The following ACTR3C variants were observed in gnomAD, a reference collection of about 807,000 sequenced individuals.
ACTR3C encodes the protein actin related protein 3C.
ACTR3C carries 18 observed loss-of-function variants against 26.3 expected under a neutral mutation model. The ratio of observed to expected loss-of-function variants is 0.68; its 90% CI spans 0.47 to 1.01. ACTR3C has a LOEUF of 1.01. Ranked by LOEUF, ACTR3C falls within the 50% of genes least tolerant of loss-of-function variation. The pLI, the probability that ACTR3C is intolerant of heterozygous loss-of-function variation, is 0.00. For missense variants in ACTR3C, 184 were observed against 250.7 expected (o/e 0.73, Z 1.80); for synonymous variants, 55 against 94.5 (o/e 0.58, Z 2.42).
the ACTR3C span, chr7:149,892,189 G>A: frequency 5.5e-5 from 71 of 1,301,400 alleles, no homozygotes; most frequent in African/African-American, 1.5e-4. Flanking sequence ...TCTACAACTC[G>A]CAAATACAAC....
At chr7:149,959,410 C>G in the ACTR3C span, among the ~76,000 whole-genome samples, 2 of 152,158 alleles carry the variant, frequency 1.3e-5, no homozygotes, top group African/African-American at 4.8e-5. Context: ...TTTTTCAACC[C>G]CATACATGGT....
chr7:149,968,532 C>T, the ACTR3C span, among the ~76,000 whole-genome samples: 1 of 151,972 alleles, frequency 6.6e-6, no homozygotes, highest in Non-Finnish European at 1.5e-5. Flanking sequence ...GACTCCGTCT[C>T]AAAAAAAGAA....
At chr7:150,105,085 CTTTT>C in the ACTR3C span, among the ~76,000 whole-genome samples, 3 of 138,600 alleles carry the variant, frequency 2.2e-5, no homozygotes, top group Admixed American at 7.2e-5. Context: ...TTCTTTTTTT[CTTTT>C]TTTTTTTTTT....
chr7:149,882,957 TTCC>T, the ACTR3C span, among the ~76,000 whole-genome samples: 4 of 152,188 alleles, frequency 2.6e-5, no homozygotes, highest in East Asian at 7.7e-4. Flanking sequence ...GGCCCCATCC[TTCC>T]TGATGATGCC....
the ACTR3C span, among the ~76,000 whole-genome samples, chr7:150,157,956 A>T: frequency 6.6e-6 from 1 of 152,226 alleles, no homozygotes; most frequent in Non-Finnish European, 1.5e-5. Flanking sequence ...GCAGAGAATT[A>T]ATATCCAGAG....
chr7:150,047,426 T>A, the ACTR3C span, among the ~76,000 whole-genome samples: 1 of 151,350 alleles, frequency 6.6e-6, no homozygotes, highest in Admixed American at 6.6e-5. Flanking sequence ...ACAGACCCGC[T>A]CCCTCCGGGA....
chr7:150,128,724 C>T, the ACTR3C span, among the ~76,000 whole-genome samples: 3 of 151,716 alleles, frequency 2.0e-5, no homozygotes, highest in East Asian at 3.9e-4. Flanking sequence ...TTCTGCTTCT[C>T]AGCATAAAGG....
At chr7:150,146,965 G>A in the ACTR3C span, among the ~76,000 whole-genome samples, 1 of 152,130 alleles carries the variant, frequency 6.6e-6, no homozygotes, top group Admixed American at 6.5e-5. Flanking sequence ...ATTTTACACA[G>A]CATCTCTTGC....
the ACTR3C span, among the ~76,000 whole-genome samples, chr7:149,919,257 T>C: frequency 4.3e-3 from 650 of 152,256 alleles, 2 homozygotes; most frequent in African/African-American, 0.015. Flanking sequence ...TGCTTTTTTT[T>C]TTTGAGACAG....
At chr7:150,194,028 G>T in the ACTR3C span, among the ~76,000 whole-genome samples, 2 of 141,946 alleles carry the variant, frequency 1.4e-5, no homozygotes, top group African/African-American at 5.2e-5. Flanking sequence ...ACACACGAAA[G>T]AAAAGAGTTT....
At chr7:149,968,718 A>C in the ACTR3C span, among the ~76,000 whole-genome samples, 3 of 152,184 alleles carry the variant, frequency 2.0e-5, no homozygotes, top group East Asian at 5.8e-4. Context: ...TGTACGGTCC[A>C]ATAGCCATAG....
At chr7:150,278,138 G>A (rs1227498812) in intron 6 of ACTR3C, among the ~76,000 whole-genome samples, 1 of 152,038 alleles carries the variant, frequency 6.6e-6, no homozygotes, top group Non-Finnish European at 1.5e-5. Context: ...AGACCCACAG[G>A]ATCGCGCTAC....
chr7:150,226,594 G>A, the ACTR3C span, among the ~76,000 whole-genome samples: 4 of 152,136 alleles, frequency 2.6e-5, no homozygotes, highest in East Asian at 1.9e-4. Flanking sequence ...GCACCACCAC[G>A]TCTGGCTAAT....
At chr7:150,025,712 C>T in the ACTR3C span, among the ~76,000 whole-genome samples, 6,201 of 152,124 alleles carry the variant, frequency 0.041, 486 homozygotes, top group African/African-American at 0.14. Context: ...ACGAGATTGC[C>T]GAAGCCTTGA....
chr7:150,274,344 T>C lies in ACTR3C; in HGVS notation c.564+10409A>G, dbSNP rs1282630524. 6.6e-6 allele frequency among the ~76,000 whole-genome samples: 1 copy of C among 152,204 alleles called. No homozygotes were observed. Among genetic ancestry groups the C allele is most frequent in the Non-Finnish European group, 1.5e-5 (1 of 68,044 alleles). The stretch of plus-strand genomic sequence containing the variant: ...TTCGTGTCTCTGTATCAGCATATTT[T>C]AGCAATAACATATTTTTTAAATGAA... On this transcript the variant is annotated intron_variant, in intron 6 of 7. Transcript: ENST00000683684. This position sits in a 1 kb window ranked among gnomAD's most constrained non-coding sequence, Gnocchi z 4.1.
At chr7:150,011,672 A>G in the ACTR3C span, among the ~76,000 whole-genome samples, 1 of 152,118 alleles carries the variant, frequency 6.6e-6, no homozygotes. Flanking sequence ...TTCTTTTTTA[A>G]CTCTCAGTTT....
the ACTR3C span, among the ~76,000 whole-genome samples, chr7:149,899,471 TA>T: frequency 7.1e-6 from 1 of 140,288 alleles, no homozygotes; most frequent in Non-Finnish European, 1.6e-5. Flanking sequence ...AAAATCACAA[TA>T]ACTGAAATAA....
the ACTR3C span, among the ~76,000 whole-genome samples, chr7:150,125,354 T>C: frequency 2.6e-5 from 4 of 151,970 alleles, no homozygotes; most frequent in African/African-American, 7.2e-5. Context: ...GCTATGAAAC[T>C]TGCAAGGCCG....
At chr7:150,018,094 G>A in the ACTR3C span, among the ~76,000 whole-genome samples, 109 of 150,420 alleles carry the variant, frequency 7.2e-4, 3 homozygotes, top group Non-Finnish European at 1.3e-3. Flanking sequence ...AAACGGAGTC[G>A]TGTGGAAAGA....
Sources: gnomAD v4.1 joint callset for allele counts (sites outside exome capture counted in the v4.1 genomes callset) on GRCh38, gnomAD v4.1.1 for gene constraint, Gnocchi (gnomAD v3.1) non-coding constraint, MANE v1.5 for transcripts, NCBI Gene and HGNC (gene_info 2026-07-23, HGNC 2026-07-21) for gene names.